The following GRID2 variants were observed in gnomAD, a reference collection of about 807,000 sequenced individuals.
The protein encoded by GRID2 is glutamate receptor ionotropic, delta-2.
GRID2 carries 33 observed loss-of-function variants against 114.8 expected under a neutral mutation model. That is an observed-to-expected ratio of 0.29 (90% CI 0.22 to 0.38). GRID2 has a LOEUF of 0.38. GRID2 is among the 10% of genes least tolerant of loss of function. GRID2 has a pLI of 1.00. For missense variants in GRID2, 1,184 were observed against 1,257.7 expected (o/e 0.94, Z 0.89); for synonymous variants, 505 against 449.9 (o/e 1.12, Z -1.55).
chr4:92,737,510 G>A (rs1360520975), intron 2 of GRID2, among the ~76,000 whole-genome samples: 2 of 152,004 alleles, frequency 1.3e-5, no homozygotes, highest in Non-Finnish European at 2.9e-5. Flanking sequence ...TTAGCTATAT[G>A]TGTCATTTAG....
intron 7 of GRID2, among the ~76,000 whole-genome samples, chr4:93,230,568 C>G (rs980039948): frequency 6.6e-6 from 1 of 152,046 alleles, no homozygotes; most frequent in Non-Finnish European, 1.5e-5. Flanking sequence ...TAAAGTTAAT[C>G]TAACCTTTTT....
At position 92,802,218 on chromosome 4, in the gene GRID2, C is replaced by T. The variant is rs530218194; in HGVS notation, c.244+211932C>T. On this transcript the variant is annotated intron_variant, in intron 2 of 15. Transcript: ENST00000282020. ...CATAAAGCCCCCGTCCCTACATACA[C>T]TCACAGCCTTCTCCATTATCAACAT... Among the ~76,000 whole-genome samples, 10 of 151,954 alleles carry T rather than the reference C, an allele frequency of 6.6e-5. No homozygotes were observed. In the South Asian group the frequency reaches 1.2e-3, roughly 19 times the overall value.
chr4:92,518,157 CT>C (rs538596534), intron 1 of GRID2, among the ~76,000 whole-genome samples: 20 of 150,980 alleles, frequency 1.3e-4, no homozygotes, highest in East Asian at 5.9e-4. Context: ...CTTCATCCCC[CT>C]TTTTTTTTCT....
At chr4:92,872,239 A>G (rs1395607976) in intron 2 of GRID2, among the ~76,000 whole-genome samples, 1 of 152,206 alleles carries the variant, frequency 6.6e-6, no homozygotes, top group Non-Finnish European at 1.5e-5. Context: ...ATATCAATTT[A>G]TGAACACATT....
At chr4:93,720,907 T>TTGCTGC (rs1447092888) in intron 14 of GRID2, among the ~76,000 whole-genome samples, 2 of 152,172 alleles carry the variant, frequency 1.3e-5, no homozygotes, top group African/African-American at 4.8e-5. Flanking sequence ...GTTGTTGTTG[T>TTGCTGC]TGCTGCTGCT....
chr4:93,427,008 G>T (rs1249901996), intron 10 of GRID2, among the ~76,000 whole-genome samples: 1 of 151,860 alleles, frequency 6.6e-6, no homozygotes, highest in East Asian at 1.9e-4. Context: ...GAGAAAATGG[G>T]TTGTCATGAA....
chr4:92,944,344 A>G (rs1751435356), intron 2 of GRID2, among the ~76,000 whole-genome samples: 1 of 152,160 alleles, frequency 6.6e-6, no homozygotes, highest in African/African-American at 2.4e-5. Flanking sequence ...GCAATGAGTG[A>G]GGCTCCGTGG....
intron 1 of GRID2, among the ~76,000 whole-genome samples, chr4:92,351,002 G>T (rs1432568747): frequency 6.6e-6 from 1 of 151,770 alleles, no homozygotes; most frequent in Non-Finnish European, 1.5e-5. Context: ...GCATGTATCA[G>T]TACTTCATAC....
chr4:92,442,210 G>T (rs943193992), intron 1 of GRID2, among the ~76,000 whole-genome samples: 1 of 151,756 alleles, frequency 6.6e-6, no homozygotes, highest in Non-Finnish European at 1.5e-5. Flanking sequence ...CTTCCGAGGC[G>T]ATCGGGCGGT....
In GRID2 at chr4:93,233,980, G is replaced by A. The variant is rs79967512; in HGVS notation, c.1126-4391G>A. On this transcript the variant is annotated intron_variant, in intron 7 of 15. Transcript: ENST00000282020. ...GTTTGGTTTTGTGGCCTTTTAAAACGTCTGCATACTTAGAGAAATGGAGAC... is the reference window on the plus strand; with the variant it reads ...GTTTGGTTTTGTGGCCTTTTAAAACATCTGCATACTTAGAGAAATGGAGAC... Among the ~76,000 whole-genome samples, 1,088 of 151,780 alleles carry A rather than the reference G, an allele frequency of 7.2e-3. 7 individuals are homozygous for A. The highest frequency in any genetic ancestry group is 0.012 in the South Asian group (57 of 4,810).
chr4:93,423,321 C>T (rs910645239), intron 10 of GRID2, among the ~76,000 whole-genome samples: 1 of 128,052 alleles, frequency 7.8e-6, no homozygotes, highest in East Asian at 2.5e-4. Context: ...GCAATTTGTA[C>T]TATTTTTTTT....
rs534106060 is a variant in GRID2 at position 92,883,606 on chromosome 4, C to T, written c.245-201389C>T. Among the ~76,000 whole-genome samples the T allele has an allele frequency of 2.0e-5, 3 of 152,224 alleles. No homozygotes were observed. In the East Asian group the frequency reaches 5.8e-4, roughly 29 times the overall value. On this transcript the variant is annotated intron_variant, in intron 2 of 15. Transcript: ENST00000282020. ...ATGAGACTGAAAGTTGAAATTACTC[C>T]TTGATTCATAGCTCGTAGAATGGAC...
intron 8 of GRID2, among the ~76,000 whole-genome samples, chr4:93,358,885 C>A (rs191290490): frequency 1.3e-5 from 2 of 152,158 alleles, no homozygotes; most frequent in Admixed American, 1.3e-4. Context: ...GTTTTGAAGT[C>A]TGTTTTTATT....
chr4:92,918,936 C>T (rs1361881033), intron 2 of GRID2, among the ~76,000 whole-genome samples: 4 of 152,130 alleles, frequency 2.6e-5, no homozygotes, highest in Non-Finnish European at 5.9e-5. Flanking sequence ...GTACCAGTTC[C>T]TCCTTGTACC....
chr4:92,938,931 A>C lies in GRID2; in HGVS notation c.245-146064A>C, dbSNP rs1750882528. 2.0e-5 allele frequency among the ~76,000 whole-genome samples: 3 copies of C among 147,104 alleles called. 1 individual carries two copies. Among genetic ancestry groups the C allele is most frequent in the Non-Finnish European group, 3.0e-5 (2 of 66,498 alleles). On this transcript the variant is annotated intron_variant, in intron 2 of 15. Coordinates refer to ENST00000282020, the MANE Select transcript of GRID2 (RefSeq NM_001510.4). The stretch of plus-strand genomic sequence containing the variant: ...ATGGCTGCATAGTATTCCATGGTGT[A>C]TATGTGCCACATTGTCTTAATCCAG...
At chr4:92,733,454 G>A (rs1330116481) in intron 2 of GRID2, among the ~76,000 whole-genome samples, 1 of 152,050 alleles carries the variant, frequency 6.6e-6, no homozygotes, top group East Asian at 1.9e-4. Context: ...GAGCTAGTTG[G>A]TGTTGATGAC....
chr4:93,104,981 C>T (rs1440226012), intron 3 of GRID2, among the ~76,000 whole-genome samples: 2 of 151,744 alleles, frequency 1.3e-5, no homozygotes, highest in Admixed American at 6.6e-5. Flanking sequence ...TGTTTCCTGA[C>T]TTTTTAATGA....
intron 2 of GRID2, among the ~76,000 whole-genome samples, chr4:92,872,119 T>C (rs546995670): frequency 2.0e-5 from 3 of 152,316 alleles, no homozygotes; most frequent in Non-Finnish European, 4.4e-5. Flanking sequence ...TTATGTTTAT[T>C]AACTTATTTT....
chr4:93,407,748 CTCCTCCTCG>C (rs1273610850), intron 9 of GRID2, among the ~76,000 whole-genome samples: 24 of 112,522 alleles, frequency 2.1e-4, no homozygotes, highest in Non-Finnish European at 2.7e-4. Context: ...CCTCCTCCTC[CTCCTCCTCG>C]TCCTCCTCCT....
Sources: allele counts gnomAD v4.1 joint callset (sites outside exome capture counted in the v4.1 genomes callset), GRCh38; gene constraint gnomAD v4.1.1; transcripts MANE v1.5; gene names NCBI Gene and HGNC (gene_info 2026-07-23, HGNC 2026-07-21).